NCAM2: variants seen among roughly 807,000 people sequenced by gnomAD.
The protein encoded by NCAM2 is N-CAM-2.
In NCAM2, 30 loss-of-function variants were observed where a neutral mutation model predicts 98.1. That is an observed-to-expected ratio of 0.31 (90% CI 0.23 to 0.41). The LOEUF is 0.41. Among genes scored for constraint, NCAM2 ranks in the 10% least tolerant of loss-of-function variants. The pLI is 1.00. For synonymous variants in NCAM2, 368 were observed against 342.4 expected (o/e 1.07, Z -0.83); for missense variants, 867 against 1,005.8 (o/e 0.86, Z 1.87).
intron 12 of NCAM2, among the ~76,000 whole-genome samples, chr21:21,446,823 G>A (rs1602366732): frequency 6.6e-6 from 1 of 152,020 alleles, no homozygotes; most frequent in South Asian, 2.1e-4. Context: ...AGAATAAAAT[G>A]CCTAGGAATA....
chr21:21,068,232 A>T (rs1407471774), intron 1 of NCAM2, among the ~76,000 whole-genome samples: 4 of 148,116 alleles, frequency 2.7e-5, no homozygotes, highest in African/African-American at 1.0e-4. Context: ...TCCAGGACTC[A>T]AGAGGTTCTC....
chr21:21,312,214 A>G (rs909066050), intron 5 of NCAM2, among the ~76,000 whole-genome samples: 1 of 151,956 alleles, frequency 6.6e-6, no homozygotes, highest in African/African-American at 2.4e-5. Context: ...TCATGAGTGG[A>G]TGAGGAATTT....
intron 4 of NCAM2, among the ~76,000 whole-genome samples, chr21:21,286,823 A>G (rs2073120146): frequency 6.6e-6 from 1 of 151,966 alleles, no homozygotes; most frequent in Non-Finnish European, 1.5e-5. Flanking sequence ...AAAGATGAAT[A>G]CATTATAAGC....
chr21:21,502,425 T>C (rs77248826), intron 15 of NCAM2, among the ~76,000 whole-genome samples: 2,299 of 152,070 alleles, frequency 0.015, 25 homozygotes, highest in Middle Eastern at 0.034. Flanking sequence ...TATTGTTGAA[T>C]TCATGTCTAT....
At chr21:21,313,404 G>A (rs1373254307) in intron 5 of NCAM2, among the ~76,000 whole-genome samples, 1 of 151,686 alleles carries the variant, frequency 6.6e-6, no homozygotes, top group Non-Finnish European at 1.5e-5. Flanking sequence ...ATGTAGGATT[G>A]TCATATTTTC....
intron 5 of NCAM2, among the ~76,000 whole-genome samples, chr21:21,307,217 T>G (rs757106438): frequency 6.6e-6 from 1 of 152,144 alleles, no homozygotes; most frequent in Non-Finnish European, 1.5e-5. Context: ...TGTTTCTTCA[T>G]TTTTGAATAT....
chr21:21,410,417 A>G lies in NCAM2; in HGVS notation c.1339A>G (p.Thr447Ala). 1.3e-6 allele frequency: 2 copies of G among 1,594,298 alleles called. No individual in the cohort carries two copies. The highest frequency in any genetic ancestry group is 1.7e-6 in the Non-Finnish European group (2 of 1,169,716). Residue 447 changes from threonine (T) to alanine (A), a missense_variant, in exon 10 of 18, where the codon ACC becomes GCC. Around this residue, in one of 5 missense-constraint regions of NCAM2, gnomAD observed 56 missense variants for 39.6 expected, o/e 1.41. Coordinates refer to ENST00000400546, the MANE Select transcript of NCAM2 (RefSeq NM_004540.5). ...ATTAGTCTTACCTGCTAAAAACACG[A>G]CCAATTTAAAGACTTATAGTACAGG... ...DKLVLPAKNTTNLKTYSTGRK... is the reference protein window; with the variant it reads ...DKLVLPAKNTANLKTYSTGRK...
At chr21:21,384,303 GT>G (rs1359651669) in intron 9 of NCAM2, among the ~76,000 whole-genome samples, 2 of 151,326 alleles carry the variant, frequency 1.3e-5, no homozygotes, top group Non-Finnish European at 3.0e-5. Context: ...TCTATTGAAA[GT>G]TTTTTTTCTT....
At chr21:21,479,228 C>CA (rs539716878) in intron 15 of NCAM2, among the ~76,000 whole-genome samples, 3 of 151,534 alleles carry the variant, frequency 2.0e-5, no homozygotes, top group Admixed American at 6.6e-5. Flanking sequence ...AACATAAAAT[C>CA]AAAAAAATAG....
rs111977447 is a variant in NCAM2 at position 21,498,876 on chromosome 21, G to T, written c.2078-9975G>T. Among the ~76,000 whole-genome samples, 193 of 152,090 alleles carry T rather than the reference G, an allele frequency of 1.3e-3. 2 individuals carry two copies. Among genetic ancestry groups the T allele is most frequent in the South Asian group, 6.2e-3 (30 of 4,814 alleles). ...ACAAAAACGTAATAATGTACTAGGGGGCAAAATGAATTATAGAAGAAGAGA... is the reference window on the plus strand; with the variant it reads ...ACAAAAACGTAATAATGTACTAGGGTGCAAAATGAATTATAGAAGAAGAGA... On this transcript the variant is annotated intron_variant, in intron 15 of 17. Coordinates refer to ENST00000400546, the MANE Select transcript of NCAM2 (RefSeq NM_004540.5).
chr21:21,133,466 G>C (rs1226199242), intron 1 of NCAM2, among the ~76,000 whole-genome samples: 1 of 152,148 alleles, frequency 6.6e-6, no homozygotes, highest in South Asian at 2.1e-4. Context: ...ATTAGCCACT[G>C]TAAGTCACAT....
intron 1 of NCAM2, among the ~76,000 whole-genome samples, chr21:21,213,343 A>C (rs999702332): frequency 3.9e-5 from 6 of 152,168 alleles, no homozygotes; most frequent in Admixed American, 2.6e-4. Context: ...AGTTTAAATT[A>C]TTTTAGAGCT....
intron 1 of NCAM2, among the ~76,000 whole-genome samples, chr21:21,154,535 C>G (rs1309449521): frequency 2.0e-5 from 3 of 151,754 alleles, no homozygotes. Flanking sequence ...CTTTAAAATA[C>G]TGTAGCAAAG....
intron 5 of NCAM2, among the ~76,000 whole-genome samples, 199 bp downstream of exon 5, chr21:21,292,440 T>C (rs2073332838): frequency 6.6e-6 from 1 of 151,912 alleles, no homozygotes; most frequent in Non-Finnish European, 1.5e-5. Context: ...TTATGTTACA[T>C]TGTCATTCTC....
intron 1 of NCAM2, among the ~76,000 whole-genome samples, chr21:21,111,324 A>T (rs953751097): frequency 6.6e-6 from 1 of 152,194 alleles, no homozygotes; most frequent in Non-Finnish European, 1.5e-5. Context: ...AGAGTTGTGC[A>T]TTGAGGATTG....
Position 21,421,282 on chromosome 21 carries a change from G to A in NCAM2, c.1480+2713G>A, listed in dbSNP as rs1038190308. Among the ~76,000 whole-genome samples, 12 of 151,874 alleles carry A rather than the reference G, an allele frequency of 7.9e-5. No homozygotes were observed. The South Asian group carries it at 1.2e-3, about 16-fold the overall frequency. ...ATATTGTTCATTGAAAAATATATTT[G>A]ATTCCTATCCTTCTAGTGACTATAT... On this transcript the variant is annotated intron_variant, in intron 11 of 17. Coordinates refer to ENST00000400546, the MANE Select transcript of NCAM2 (RefSeq NM_004540.5).
intron 6 of NCAM2, among the ~76,000 whole-genome samples, chr21:21,331,572 T>G (rs1287216823): frequency 5.8e-4 from 13 of 22,440 alleles, no homozygotes; most frequent in Non-Finnish European, 9.2e-4. Context: ...TATATACATA[T>G]ATATATAGAG....
At chr21:21,390,999 C>T (rs1373595858) in intron 9 of NCAM2, among the ~76,000 whole-genome samples, 1 of 152,004 alleles carries the variant, frequency 6.6e-6, no homozygotes. Context: ...TAAAGTTATT[C>T]AAGAAGAAAA....
intron 16 of NCAM2, among the ~76,000 whole-genome samples, chr21:21,512,312 A>C (rs1988439224): frequency 6.6e-6 from 1 of 151,960 alleles, no homozygotes; most frequent in Non-Finnish European, 1.5e-5. Context: ...CTATATATGG[A>C]TGTCCAGATT....
Sources: gnomAD v4.1 joint callset for allele counts (sites outside exome capture counted in the v4.1 genomes callset) on GRCh38, gnomAD v4.1.1 for gene constraint, gnomAD v4.1.1 regional missense constraint, MANE v1.5 for transcripts, NCBI Gene and HGNC (gene_info 2026-07-23, HGNC 2026-07-21) for gene names.